Variants in OPCML observed in about 807,000 individuals in gnomAD.
OPCML encodes the protein opioid-binding protein/cell adhesion molecule.
In OPCML, 13 loss-of-function variants were observed where a neutral mutation model predicts 37.8. The observed-to-expected ratio is 0.34, with a 90% CI of 0.22 to 0.55. The LOEUF is 0.55. Ranked by LOEUF, OPCML falls within the 20% of genes least tolerant of loss-of-function variation. OPCML has a pLI of 0.91. For synonymous variants in OPCML, 176 were observed against 168.8 expected (o/e 1.04, Z -0.33); for missense variants, 341 against 435.6 (o/e 0.78, Z 1.93).
At chr11:132,542,498 T>C (rs2096359207) in intron 3 of OPCML, among the ~76,000 whole-genome samples, 1 of 152,150 alleles carries the variant, frequency 6.6e-6, no homozygotes, top group South Asian at 2.1e-4. Flanking sequence ...GCACAGCCTT[T>C]GGAAGCCACA....
chr11:133,484,134 T>C (rs1313753734), intron 1 of OPCML, among the ~76,000 whole-genome samples: 2 of 149,250 alleles, frequency 1.3e-5, no homozygotes, highest in Non-Finnish European at 3.0e-5. Context: ...GATTGATAGA[T>C]AGATGATAGA....
At chr11:132,491,192 G>A (rs2096214595) in intron 4 of OPCML, among the ~76,000 whole-genome samples, 1 of 152,202 alleles carries the variant, frequency 6.6e-6, no homozygotes, top group Non-Finnish European at 1.5e-5. Context: ...TCCCCTCGGT[G>A]TGCTCATCAC....
intron 1 of OPCML, among the ~76,000 whole-genome samples, chr11:133,010,142 C>T (rs1354884282): frequency 2.0e-5 from 3 of 152,206 alleles, no homozygotes; most frequent in Admixed American, 2.0e-4. Flanking sequence ...AAGTCTCCTC[C>T]ATAGTGAGCC....
chr11:133,496,977 C>T (rs1269756785), intron 1 of OPCML, among the ~76,000 whole-genome samples: 1 of 152,118 alleles, frequency 6.6e-6, no homozygotes, highest in African/African-American at 2.4e-5. Context: ...CTGTCTTGTT[C>T]CCGTTCTCAG....
chr11:132,942,774 T>C, intron 2 of OPCML, 152 bp downstream of exon 2: 1 of 962,852 alleles, frequency 1.0e-6, no homozygotes, highest in Non-Finnish European at 1.5e-6. Flanking sequence ...GGCACGGCAG[T>C]CGGCACGGCA....
chr11:132,505,595 A>C (rs930961998), intron 4 of OPCML, among the ~76,000 whole-genome samples: 3 of 152,188 alleles, frequency 2.0e-5, no homozygotes, highest in Non-Finnish European at 4.4e-5. Context: ...CCAATTAGTT[A>C]GATATGGAGA....
chr11:132,494,430 T>A (rs963648526), intron 4 of OPCML, among the ~76,000 whole-genome samples: 1 of 152,308 alleles, frequency 6.6e-6, no homozygotes, highest in African/African-American at 2.4e-5. Flanking sequence ...AGTGTATTTA[T>A]TTTTTCTTCT....
At chr11:133,032,703 G>A (rs1432863310) in intron 1 of OPCML, among the ~76,000 whole-genome samples, 1 of 152,200 alleles carries the variant, frequency 6.6e-6, no homozygotes, top group Non-Finnish European at 1.5e-5. Flanking sequence ...AATGAAAGAA[G>A]CCTACCCCAG....
chr11:132,733,629 AT>A (rs1186333865), intron 2 of OPCML, among the ~76,000 whole-genome samples: 1 of 152,242 alleles, frequency 6.6e-6, no homozygotes, highest in African/African-American at 2.4e-5. Context: ...AGTGGCACAA[AT>A]CCAGAATGTG....
At chr11:132,997,086 C>A (rs1946902374) in intron 1 of OPCML, among the ~76,000 whole-genome samples, 1 of 152,108 alleles carries the variant, frequency 6.6e-6, no homozygotes. Context: ...AGCCTTTTAC[C>A]CCTCTCCTCC....
chr11:133,327,506 T>C (rs1943502517), intron 1 of OPCML, among the ~76,000 whole-genome samples: 1 of 152,124 alleles, frequency 6.6e-6, no homozygotes, highest in South Asian at 2.1e-4. Context: ...GGAATTAGCA[T>C]TGGATTCTCT....
chr11:132,907,153 A>C (rs576282896), intron 2 of OPCML, among the ~76,000 whole-genome samples: 2 of 152,226 alleles, frequency 1.3e-5, no homozygotes, highest in African/African-American at 4.8e-5. Flanking sequence ...TATCTACGTC[A>C]CTGACTCCCA....
intron 2 of OPCML, among the ~76,000 whole-genome samples, chr11:132,684,661 G>A (rs1212829238): frequency 6.6e-6 from 1 of 152,110 alleles, no homozygotes; most frequent in Admixed American, 6.5e-5. Context: ...TTTCTAGAGT[G>A]CCCAGGATGT....
chr11:132,436,828 C>T (rs1226963566), intron 5 of OPCML, 49 bp from the exon 6 acceptor site: 1 of 1,586,440 alleles, frequency 6.3e-7, no homozygotes, highest in South Asian at 1.1e-5. Context: ...CGCACGCACA[C>T]ACAGAGTGAT....
At position 132,638,963 on chromosome 11, in the gene OPCML, C is replaced by T. The variant is rs187103231; in HGVS notation, c.379+18124G>A. Among the ~76,000 whole-genome samples the T allele has an allele frequency of 7.2e-4, 110 of 152,232 alleles. 1 individual carries two copies. Among genetic ancestry groups the T allele is most frequent in the African/African-American group, 2.5e-3 (102 of 41,548 alleles). The stretch of plus-strand genomic sequence containing the variant: ...CAGTGAACTGGTTTTTTCTGCGCAG[C>T]GGGTAGGAAGAATTTGTTGGGTGAC... On this transcript the variant is annotated intron_variant, in intron 3 of 7. Transcript: ENST00000524381.
chr11:133,252,029 A>G (rs1941152989), intron 1 of OPCML, among the ~76,000 whole-genome samples: 1 of 152,176 alleles, frequency 6.6e-6, no homozygotes, highest in African/African-American at 2.4e-5. Context: ...GCCTTTAGGA[A>G]AAGTGCAGCC....
intron 4 of OPCML, among the ~76,000 whole-genome samples, chr11:132,491,367 C>T (rs1303549968): frequency 2.0e-5 from 3 of 152,230 alleles, no homozygotes; most frequent in African/African-American, 7.2e-5. Context: ...CATGCTCCAG[C>T]CCCATTGCTT....
rs1460711420 is a variant in OPCML, at chr11:133,003,516, C to T, written c.62-60506G>A. Among the ~76,000 whole-genome samples, 2 of 152,168 alleles carry T rather than the reference C, an allele frequency of 1.3e-5. 1 individual carries two copies. The highest frequency in any genetic ancestry group is 4.1e-4 in the South Asian group (2 of 4,826). ...CTCAGATAATCCAGGATGATCTCCC[C>T]ATTTCAAGATCCTTCATTTAATCAA... On this transcript the variant is annotated intron_variant, in intron 1 of 7. Transcript: ENST00000524381.
chr11:133,039,085 A>C (rs956024449), intron 1 of OPCML, among the ~76,000 whole-genome samples: 1 of 152,190 alleles, frequency 6.6e-6, no homozygotes, highest in Non-Finnish European at 1.5e-5. Flanking sequence ...ATGTGTTTTA[A>C]GATTTCACAA....
Sources: allele counts gnomAD v4.1 joint callset (sites outside exome capture counted in the v4.1 genomes callset), GRCh38; gene constraint gnomAD v4.1.1; transcripts MANE v1.5; gene names NCBI Gene and HGNC (gene_info 2026-07-23, HGNC 2026-07-21).